The following RBFOX1 variants were observed in gnomAD, a reference collection of about 807,000 sequenced individuals.
RBFOX1 encodes RNA binding fox-1 homolog 1.
In RBFOX1, 8 loss-of-function variants were observed where a neutral mutation model predicts 57.7. The observed-to-expected ratio is 0.14, with a 90% CI of 0.08 to 0.25. The LOEUF is 0.25. Ranked by LOEUF, RBFOX1 falls within the 10% of genes least tolerant of loss-of-function variation. The pLI, the probability that RBFOX1 is intolerant of heterozygous loss-of-function variation, is 1.00. For missense variants in RBFOX1, 611 were observed against 548.5 expected, an observed-to-expected ratio of 1.11 and a Z score of -1.14; for synonymous variants, 326 against 222.4, an observed-to-expected ratio of 1.47 and a Z score of -4.15.
intron 4 of RBFOX1, among the ~76,000 whole-genome samples, chr16:7,054,320 A>G (rs985666813): frequency 6.1e-5 from 8 of 132,036 alleles, no homozygotes; most frequent in Non-Finnish European, 9.3e-5. Context: ...GTTCACCGCA[A>G]CCTCTGACTC....
At chr16:5,859,620 C>G (rs972247149) in intron 3 of RBFOX1, among the ~76,000 whole-genome samples, 24 of 152,126 alleles carry the variant, frequency 1.6e-4, no homozygotes, top group African/African-American at 5.8e-4. Context: ...CATAGGTGCC[C>G]AGGGTTTTGT....
chr16:6,663,644 A>G (rs942705603), intron 3 of RBFOX1, among the ~76,000 whole-genome samples: 13 of 152,194 alleles, frequency 8.5e-5, no homozygotes, highest in Non-Finnish European at 1.6e-4. Flanking sequence ...AGACTCACAG[A>G]GTCCCCTGGG....
chr16:7,141,368 C>T (rs2073739603), intron 4 of RBFOX1, among the ~76,000 whole-genome samples: 1 of 152,058 alleles, frequency 6.6e-6, no homozygotes. Context: ...CAGATAGGAC[C>T]CCTTCTCTGA....
intron 3 of RBFOX1, among the ~76,000 whole-genome samples, chr16:6,800,240 A>G (rs1335231619): frequency 2.1e-5 from 3 of 145,892 alleles, no homozygotes; most frequent in African/African-American, 8.4e-5. Context: ...TTTGCCCAAG[A>G]CTGTCCCAGT....
intron 1 of RBFOX1, among the ~76,000 whole-genome samples, chr16:5,361,160 G>T (rs1194877132): frequency 1.3e-5 from 2 of 152,182 alleles, no homozygotes; most frequent in Non-Finnish European, 2.9e-5. Context: ...GCAAAGCTGG[G>T]ATTTGAACCC....
chr16:5,557,002 G>A (rs1451837529), intron 2 of RBFOX1, among the ~76,000 whole-genome samples: 1 of 152,160 alleles, frequency 6.6e-6, no homozygotes, highest in Non-Finnish European at 1.5e-5. Flanking sequence ...GCTCATGCCT[G>A]TAATCCCAGC....
chr16:6,937,590 A>G (rs1432341998), intron 3 of RBFOX1, among the ~76,000 whole-genome samples: 2 of 152,156 alleles, frequency 1.3e-5, no homozygotes, highest in Non-Finnish European at 2.9e-5. Context: ...GATGTGAGGC[A>G]TTAATCAAAT....
chr16:5,679,419 G>C (rs1410388178), intron 3 of RBFOX1, among the ~76,000 whole-genome samples: 2 of 151,838 alleles, frequency 1.3e-5, no homozygotes, highest in African/African-American at 4.8e-5. Context: ...ATGTGCCATG[G>C]TGGTTTGCTG....
chr16:6,721,233 A>G (rs2065930594), intron 3 of RBFOX1, among the ~76,000 whole-genome samples: 1 of 152,204 alleles, frequency 6.6e-6, no homozygotes, highest in Non-Finnish European at 1.5e-5. Context: ...ACCTGAGGTC[A>G]GGATTTTGAG....
Position 6,445,877 on chromosome 16 carries a change from G to A in RBFOX1, c.-64+128820G>A, listed in dbSNP as rs560306818. On this transcript the variant is annotated intron_variant, in intron 2 of 15. Transcript: ENST00000550418. ...ATTACTGGCGTGAGCCACTGCGCCC[G>A]GCCATCTCTGAACTCTTTAAAGGTG... Among the ~76,000 whole-genome samples the A allele has an allele frequency of 8.5e-5, 13 of 152,142 alleles. No homozygotes were observed. The East Asian group carries it at 1.9e-3, about 23-fold the overall frequency.
At chr16:6,848,078 C>T (rs528801712) in intron 3 of RBFOX1, among the ~76,000 whole-genome samples, 9 of 152,048 alleles carry the variant, frequency 5.9e-5, no homozygotes, top group Non-Finnish European at 1.0e-4. Flanking sequence ...GTGATCCACC[C>T]ACCTTGGCCT....
chr16:6,774,642 T>C (rs2154217013), intron 3 of RBFOX1, among the ~76,000 whole-genome samples: 1 of 152,320 alleles, frequency 6.6e-6, no homozygotes, highest in African/African-American at 2.4e-5. Flanking sequence ...ATGAGCTATA[T>C]ATGTCAGGAA....
chr16:6,790,664 T>G (rs1168003607), intron 3 of RBFOX1, among the ~76,000 whole-genome samples: 3 of 152,150 alleles, frequency 2.0e-5, no homozygotes. Context: ...CTGTCTGTCA[T>G]TATTTTCACT....
chr16:6,941,993 C>T (rs956616098), intron 3 of RBFOX1, among the ~76,000 whole-genome samples: 15 of 152,062 alleles, frequency 9.9e-5, no homozygotes, highest in Non-Finnish European at 1.8e-4. Flanking sequence ...CTTTACCAGG[C>T]GGAGGTGGGC....
chr16:5,374,870 A>G (rs1201483659), intron 1 of RBFOX1, among the ~76,000 whole-genome samples: 1 of 152,094 alleles, frequency 6.6e-6, no homozygotes, highest in Non-Finnish European at 1.5e-5. Context: ...CTCTCTTATC[A>G]TGTAAGTACC....
At chr16:6,233,007 C>G (rs2097476713) in intron 1 of RBFOX1, among the ~76,000 whole-genome samples, 1 of 152,130 alleles carries the variant, frequency 6.6e-6, no homozygotes, top group Non-Finnish European at 1.5e-5. Context: ...GCGCCATTCC[C>G]ATTGAATTCT....
chr16:6,481,632 A>G (rs1430077418), intron 2 of RBFOX1, among the ~76,000 whole-genome samples: 1 of 152,216 alleles, frequency 6.6e-6, no homozygotes, highest in Non-Finnish European at 1.5e-5. Context: ...GCGAAAGTCT[A>G]AACCCCTTTT....
intron 2 of RBFOX1, among the ~76,000 whole-genome samples, chr16:5,575,594 A>G (rs2046424631): frequency 6.6e-6 from 1 of 152,200 alleles, no homozygotes; most frequent in Non-Finnish European, 1.5e-5. Context: ...CATGCCAGCC[A>G]GGGTTGGAGC....
intron 4 of RBFOX1, among the ~76,000 whole-genome samples, chr16:5,955,330 A>G (rs78887324): frequency 0.54 from 45,718 of 83,954 alleles, 10,733 homozygotes; most frequent in Admixed American, 0.57. Flanking sequence ...ATAAAATAAA[A>G]TAAAATAAAA....
Sources: gnomAD v4.1 joint callset for allele counts (sites outside exome capture counted in the v4.1 genomes callset) on GRCh38, gnomAD v4.1.1 for gene constraint, MANE v1.5 for transcripts, NCBI Gene and HGNC (gene_info 2026-07-23, HGNC 2026-07-21) for gene names.